The following PFDN1 variants were observed in gnomAD, a reference collection of about 807,000 sequenced individuals.
PFDN1 encodes prefoldin subunit 1, also known as prefoldin 1.
In PFDN1, 6 loss-of-function variants were observed where a neutral mutation model predicts 17.3. The observed-to-expected ratio is 0.35, with a 90% confidence interval of 0.19 to 0.69. The LOEUF (loss-of-function observed/expected upper bound fraction) is 0.69, where lower values mean the gene tolerates loss of function less well. PFDN1 is among the 30% of genes least tolerant of loss of function. The pLI, the probability that PFDN1 is intolerant of heterozygous loss-of-function variation, is 0.65. For missense variants in PFDN1, 113 were observed against 146.2 expected (o/e 0.77, Z 1.17); for synonymous variants, 58 against 50.1 (o/e 1.16, Z -0.67).
intron 3 of PFDN1, among the ~76,000 whole-genome samples, chr5:140,276,957 C>A (rs1395424520): frequency 4.6e-5 from 7 of 151,956 alleles, no homozygotes; most frequent in African/African-American, 1.7e-4. Flanking sequence ...GGCTCACTCA[C>A]ACCTATAATC....
At chr5:140,269,603 G>T (rs914363800) in intron 3 of PFDN1, among the ~76,000 whole-genome samples, 1 of 152,216 alleles carries the variant, frequency 6.6e-6, no homozygotes, top group Admixed American at 6.5e-5. Context: ...ATAGGCGTGA[G>T]CCACCGTGAC....
rs778957646 is a variant in PFDN1, at chr5:140,245,939, GA to G, written c.*34del. 8.2e-7 allele frequency: 1 copy of G among 1,217,888 alleles called. No homozygotes were observed. Among genetic ancestry groups the G allele is most frequent in the East Asian group, 2.5e-5 (1 of 39,574 alleles). The allele number at this position is 1,217,888 out of a possible 1,614,324, so 75.4% of individuals were successfully genotyped here. The stretch of plus-strand genomic sequence containing the variant: ...ACTCCTCTGCCCCCACCAGGAATGG[GA>G]GGGGCAGGAGGAAGAGCTTCCCAGA... On this transcript the variant is annotated 3_prime_UTR_variant, in exon 4 of 4. Transcript: ENST00000261813.
At chr5:140,251,059 C>G (rs1002288819) in intron 3 of PFDN1, among the ~76,000 whole-genome samples, 1 of 152,032 alleles carries the variant, frequency 6.6e-6, no homozygotes, top group African/African-American at 2.4e-5. Flanking sequence ...CTCAGCCTCC[C>G]GAGTAGCTGA....
intron 2 of PFDN1, among the ~76,000 whole-genome samples, chr5:140,284,986 T>C (rs1011442012): frequency 6.6e-6 from 1 of 152,220 alleles, no homozygotes; most frequent in Non-Finnish European, 1.5e-5. Flanking sequence ...CAACTTCCAC[T>C]TTCTTATAAC....
chr5:140,296,780 TG>T (rs1313280531), intron 2 of PFDN1, among the ~76,000 whole-genome samples: 1 of 152,216 alleles, frequency 6.6e-6, no homozygotes, highest in African/African-American at 2.4e-5. Context: ...AAAACCCATT[TG>T]ACATCTCAAA....
In PFDN1 at chr5:140,298,620, G is replaced by GA. The variant is rs549272061; in HGVS notation, c.200+1795dup. The stretch of plus-strand genomic sequence containing the variant: ...TCACAAGGGCAATATGCTTTTAAAA[G>GA]AAAAAAAAGTGAAATGTACGAAGTT... On this transcript the variant is annotated intron_variant, in intron 2 of 3. Coordinates refer to ENST00000261813, the MANE Select transcript of PFDN1 (RefSeq NM_002622.5). Among the ~76,000 whole-genome samples, 108 of 151,436 alleles carry GA rather than the reference G, an allele frequency of 7.1e-4. No individual in the cohort carries two copies. The Middle Eastern group carries it at 0.017, about 24-fold the overall frequency.
chr5:140,251,493 T>C (rs759500398), intron 3 of PFDN1, among the ~76,000 whole-genome samples: 1 of 152,210 alleles, frequency 6.6e-6, no homozygotes, highest in African/African-American at 2.4e-5. Context: ...GGAACTGCTC[T>C]ATCCGATGTC....
intron 3 of PFDN1, among the ~76,000 whole-genome samples, chr5:140,279,506 T>G (rs1242050591): frequency 6.7e-6 from 1 of 149,544 alleles, no homozygotes; most frequent in Non-Finnish European, 1.5e-5. Context: ...GTTTTTGTGT[T>G]TTTTTTTTTC....
chr5:140,293,445 T>C (rs1296852450), intron 2 of PFDN1, among the ~76,000 whole-genome samples: 1 of 152,002 alleles, frequency 6.6e-6, no homozygotes, highest in Non-Finnish European at 1.5e-5. Context: ...AGTAACCCCA[T>C]AGCAAGTTTA....
intron 3 of PFDN1, among the ~76,000 whole-genome samples, chr5:140,252,248 T>C (rs1275224982): frequency 1.3e-5 from 2 of 152,144 alleles, no homozygotes; most frequent in Non-Finnish European, 2.9e-5. Flanking sequence ...ACTATGGATG[T>C]ATACGGATAT....
rs530104725 is a variant in PFDN1 at position 140,303,084 on chromosome 5, T to C, written c.-11A>G. 1.4e-5 allele frequency: 23 copies of C among 1,607,410 alleles called. No individual in the cohort carries two copies. Among genetic ancestry groups the C allele is most frequent in the African/African-American group, 2.7e-5 (2 of 74,944 alleles). Reference sequence around the variant, plus strand: ...CACGGGGGCGGCCATCTTGGTGCACTGTAAGCGCCTGCGCAGTGGGAGTTG... The same window carrying C: ...CACGGGGGCGGCCATCTTGGTGCACCGTAAGCGCCTGCGCAGTGGGAGTTG... On this transcript the variant is annotated 5_prime_UTR_variant, in exon 1 of 4. Coordinates refer to ENST00000261813, the MANE Select transcript of PFDN1 (RefSeq NM_002622.5).
At chr5:140,260,326 A>G (rs945920387) in intron 3 of PFDN1, among the ~76,000 whole-genome samples, 1 of 152,192 alleles carries the variant, frequency 6.6e-6, no homozygotes, top group African/African-American at 2.4e-5. Context: ...AGGTACTTCA[A>G]TTAAAACATA....
intron 2 of PFDN1, among the ~76,000 whole-genome samples, chr5:140,297,418 G>C (rs1315356124): frequency 1.3e-5 from 2 of 152,152 alleles, no homozygotes; most frequent in Non-Finnish European, 2.9e-5. Flanking sequence ...CTAATACTCA[G>C]CAAGTCTTTT....
intron 2 of PFDN1, among the ~76,000 whole-genome samples, chr5:140,285,317 C>T (rs1765470226): frequency 1.3e-5 from 2 of 148,452 alleles, no homozygotes; most frequent in Non-Finnish European, 3.0e-5. Context: ...CACTGCACTC[C>T]AGCCTGGGCA....
chr5:140,252,100 A>G (rs1764922852), intron 3 of PFDN1, among the ~76,000 whole-genome samples: 1 of 151,652 alleles, frequency 6.6e-6, no homozygotes, highest in African/African-American at 2.4e-5. Context: ...GGATTTGGGC[A>G]ATACCAGTGC....
chr5:140,300,769 T>A (rs1249180374), intron 1 of PFDN1, among the ~76,000 whole-genome samples, 187 bp from the exon 2 acceptor site: 2 of 152,128 alleles, frequency 1.3e-5, no homozygotes, highest in African/African-American at 4.8e-5. Flanking sequence ...TTTACAATCA[T>A]CAGAAGATAC....
At chr5:140,258,101 C>T (rs915601700) in intron 3 of PFDN1, among the ~76,000 whole-genome samples, 3 of 152,068 alleles carry the variant, frequency 2.0e-5, no homozygotes, top group Admixed American at 1.3e-4. Flanking sequence ...TGAGTCAGAT[C>T]GTGTGGGGTC....
chr5:140,269,739 A>C (rs887068531), intron 3 of PFDN1, among the ~76,000 whole-genome samples: 12 of 152,234 alleles, frequency 7.9e-5, no homozygotes, highest in African/African-American at 2.9e-4. Context: ...AACTCAGAAA[A>C]AGACCAAGGT....
chr5:140,301,029 T>C (rs951591621), intron 1 of PFDN1, among the ~76,000 whole-genome samples: 1 of 152,228 alleles, frequency 6.6e-6, no homozygotes, highest in Non-Finnish European at 1.5e-5. Flanking sequence ...ATATAATAAA[T>C]ATCTCATTTA....
Sources: gnomAD v4.1 joint callset for allele counts (sites outside exome capture counted in the v4.1 genomes callset) on GRCh38, gnomAD v4.1.1 for gene constraint, MANE v1.5 for transcripts, NCBI Gene and HGNC (gene_info 2026-07-23, HGNC 2026-07-21) for gene names.